The following PCDHGA2 variants were observed in gnomAD, a reference collection of about 807,000 sequenced individuals.
PCDHGA2 encodes protocadherin gamma subfamily A, 2.
A neutral mutation model predicts 59.2 loss-of-function variants in PCDHGA2; 40 were observed. The ratio of observed to expected loss-of-function variants is 0.68; its 90% CI spans 0.52 to 0.88. PCDHGA2 has a LOEUF of 0.88. Among genes scored for constraint, PCDHGA2 ranks in the 40% least tolerant of loss-of-function variants. PCDHGA2 has a pLI of 0.00. For synonymous variants in PCDHGA2, 560 were observed against 526.0 expected, an observed-to-expected ratio of 1.06 and a Z score of -0.89; for missense variants, 1,226 against 1,204.0, an observed-to-expected ratio of 1.02 and a Z score of -0.27.
At chr5:141,434,763 C>T (rs2097714876) in intron 1 of PCDHGA2, among the ~76,000 whole-genome samples, 1 of 151,296 alleles carries the variant, frequency 6.6e-6, no homozygotes, top group South Asian at 2.1e-4. Flanking sequence ...TTCCCCACTT[C>T]ACACTTCTAA....
intron 1 of PCDHGA2, among the ~76,000 whole-genome samples, chr5:141,358,682 T>A (rs770893942): frequency 6.6e-6 from 1 of 152,214 alleles, no homozygotes. Flanking sequence ...AAATTGCTTA[T>A]CATGACATCA....
chr5:141,390,183 T>G, intron 1 of PCDHGA2: 2 of 1,614,036 alleles, frequency 1.2e-6, no homozygotes, highest in Non-Finnish European at 1.7e-6. Context: ...TTTCCTAAAA[T>G]GTAGTGAGCA....
In PCDHGA2 at chr5:141,415,509, T is replaced by C. The variant is rs1296405723; in HGVS notation, c.2424+74114T>C. The C allele has an allele frequency of 4.3e-6, 7 of 1,614,054 alleles. No individual in the cohort carries two copies. In the Admixed American group the frequency reaches 5.0e-5, roughly 12 times the overall value. On this transcript the variant is annotated intron_variant, in intron 1 of 3. Transcript: ENST00000394576. ...GTCACCTGATCTTCCCCCAGCCCAA[T>C]TATGCGGACACGCTCATCAGCCAGG...
intron 1 of PCDHGA2, chr5:141,398,931 C>G (rs1442157400): frequency 6.2e-7 from 1 of 1,613,956 alleles, no homozygotes; most frequent in Admixed American, 1.7e-5. Flanking sequence ...CAGCCACTGA[C>G]CAAGACGAGG....
At chr5:141,385,374 T>A in intron 1 of PCDHGA2, 1 of 1,523,876 alleles carries the variant, frequency 6.6e-7, no homozygotes, top group Non-Finnish European at 8.8e-7. Context: ...TGCATGATAT[T>A]TCTCTATTAT....
intron 1 of PCDHGA2, chr5:141,383,515 C>T (rs749503295): frequency 1.2e-6 from 2 of 1,612,350 alleles, no homozygotes; most frequent in South Asian, 2.2e-5. Flanking sequence ...GGAGGAAGAG[C>T]GGGTTCACCA....
At chr5:141,425,379 G>A (rs1330938768) in intron 1 of PCDHGA2, among the ~76,000 whole-genome samples, 7 of 152,152 alleles carry the variant, frequency 4.6e-5, no homozygotes, top group African/African-American at 4.8e-5. Context: ...ATGTTGATTC[G>A]GAGGTAGTGA....
Position 141,431,605 on chromosome 5 carries a change from G to A in PCDHGA2, c.2425-63202G>A. ...ATGCGGAAGTGAGGTATTCCTTCCGGTATGTGGACGACAAGGCGGCCCAAG... is the reference window on the plus strand; with the variant it reads ...ATGCGGAAGTGAGGTATTCCTTCCGATATGTGGACGACAAGGCGGCCCAAG... On this transcript the variant is annotated intron_variant, in intron 1 of 3. Transcript: ENST00000394576. This position sits in a 1 kb window ranked among gnomAD's most constrained non-coding sequence, Gnocchi z 4.8. 2 of 1,614,236 alleles carry A rather than the reference G, an allele frequency of 1.2e-6. No individual in the cohort carries two copies. The highest frequency in any genetic ancestry group is 1.7e-6 in the Non-Finnish European group (2 of 1,180,044).
rs1188941232 is a variant in PCDHGA2, at chr5:141,512,270, G to A, written c.*1097G>A. ...TCTGTGGGTGCTGGGTACTCCAGAG[G>A]TGCCACTGGTGGAAGGGTCAGCGGA... On this transcript the variant is annotated 3_prime_UTR_variant, in exon 4 of 4. Coordinates refer to ENST00000394576, the MANE Select transcript of PCDHGA2 (RefSeq NM_018915.4). The A allele has an allele frequency of 1.3e-5, 2 of 152,714 alleles. No individual in the cohort carries two copies. The highest frequency in any genetic ancestry group is 2.9e-5 in the Non-Finnish European group (2 of 68,100). The allele number at this position is 152,714 out of a possible 1,614,324, so 9.5% of individuals were successfully genotyped here.
chr5:141,345,269 C>T (rs767423074), intron 1 of PCDHGA2: 32 of 1,613,776 alleles, frequency 2.0e-5, no homozygotes, highest in Non-Finnish European at 1.9e-5. Context: ...CCCTGGACCG[C>T]GAACAAATAT....
At chr5:141,379,960 T>C (rs1490584684) in intron 1 of PCDHGA2, among the ~76,000 whole-genome samples, 1 of 140,094 alleles carries the variant, frequency 7.1e-6, no homozygotes, top group East Asian at 2.3e-4. Flanking sequence ...AATGCAGTGG[T>C]GTGATCTCTG....
At chr5:141,451,880 A>G (rs1322052501) in intron 1 of PCDHGA2, among the ~76,000 whole-genome samples, 1 of 152,106 alleles carries the variant, frequency 6.6e-6, no homozygotes, top group East Asian at 1.9e-4. Flanking sequence ...AACCCTGTCA[A>G]GAAAGAAAGG....
In PCDHGA2 at chr5:141,422,942, G is replaced by T. The variant is rs199976232; in HGVS notation, c.2425-71865G>T. On this transcript the variant is annotated intron_variant, in intron 1 of 3. Transcript: ENST00000394576. Reference sequence around the variant, plus strand: ...CTGTACCCTGCCCTCCCCACAGACGGCTCCACTGGCGTGGAGCTGGCGCCC... The same window carrying T: ...CTGTACCCTGCCCTCCCCACAGACGTCTCCACTGGCGTGGAGCTGGCGCCC... The T allele has an allele frequency of 3.6e-4, 583 of 1,614,096 alleles. 1 individual carries two copies. Among genetic ancestry groups the T allele is most frequent in the South Asian group, 5.2e-4 (47 of 91,090 alleles).
At chr5:141,399,289 T>C (rs755445485) in intron 1 of PCDHGA2, 1 of 1,613,918 alleles carries the variant, frequency 6.2e-7, no homozygotes, top group Admixed American at 1.7e-5. Context: ...CGAAGTCCCT[T>C]TTAAGATTAT....
In PCDHGA2 at chr5:141,489,483, T is replaced by C. The variant is rs2099687756; in HGVS notation, c.2425-5324T>C. ...GCTATTTTTCCCTGAGCTTGATGAGTGGTGCCCTGGCAGTGAATCAAAAGA... is the reference window on the plus strand; with the variant it reads ...GCTATTTTTCCCTGAGCTTGATGAGCGGTGCCCTGGCAGTGAATCAAAAGA... On this transcript the variant is annotated intron_variant, in intron 1 of 3. Coordinates refer to ENST00000394576, the MANE Select transcript of PCDHGA2 (RefSeq NM_018915.4). This position sits in a 1 kb window ranked among gnomAD's most constrained non-coding sequence, Gnocchi z 4.5. 1 of 1,613,862 alleles carries C rather than the reference T, an allele frequency of 6.2e-7. No individual in the cohort carries two copies. The highest frequency in any genetic ancestry group is 1.1e-5 in the South Asian group (1 of 91,078).
chr5:141,385,690 G>A (rs1308061047), intron 1 of PCDHGA2: 1 of 326,260 alleles, frequency 3.1e-6, no homozygotes, highest in African/African-American at 2.2e-5. Context: ...GTCTTCTCAG[G>A]ATTCTCTTTA....
chr5:141,389,124 C>A, intron 1 of PCDHGA2: 1 of 1,613,996 alleles, frequency 6.2e-7, no homozygotes, highest in Non-Finnish European at 8.5e-7. Flanking sequence ...CGAGCAGAAT[C>A]CAGAGTACAA....
rs770010951 is a variant in PCDHGA2 at position 141,408,783 on chromosome 5, T to A, written c.2424+67388T>A. On this transcript the variant is annotated intron_variant, in intron 1 of 3. Transcript: ENST00000394576. ...TCCGATGGTGGCAAATACCCAGAGT[T>A]ATCTCTGGAGAAACTCCTAGACCGG... 26 of 1,612,386 alleles carry A rather than the reference T, an allele frequency of 1.6e-5. No homozygotes were observed. The East Asian group carries it at 5.8e-4, about 36-fold the overall frequency.
At chr5:141,370,662 A>G (rs1325799428) in intron 1 of PCDHGA2, 1 of 1,613,896 alleles carries the variant, frequency 6.2e-7, no homozygotes, top group South Asian at 1.1e-5. Flanking sequence ...GAGCGACCGT[A>G]TAGACCGAGA....
Sources: gnomAD v4.1 joint callset for allele counts (sites outside exome capture counted in the v4.1 genomes callset) on GRCh38, gnomAD v4.1.1 for gene constraint, Gnocchi (gnomAD v3.1) non-coding constraint, MANE v1.5 for transcripts, NCBI Gene and HGNC (gene_info 2026-07-23, HGNC 2026-07-21) for gene names.